PLXNA4: variants seen among roughly 807,000 people sequenced by gnomAD.
PLXNA4 encodes the protein plexin A4.
In PLXNA4, 44 loss-of-function variants were observed where a neutral mutation model predicts 191.8. That is an observed-to-expected ratio of 0.23 (90% CI 0.18 to 0.29). The LOEUF is 0.29. PLXNA4 is among the 10% of genes least tolerant of loss of function. PLXNA4 has a pLI of 1.00. For synonymous variants in PLXNA4, 1,082 were observed against 1,009.5 expected (o/e 1.07, Z -1.36); for missense variants, 1,800 against 2,488.8 (o/e 0.72, Z 5.89).
At chr7:132,322,702 C>T (rs1172689624) in intron 3 of PLXNA4, among the ~76,000 whole-genome samples, 1 of 152,202 alleles carries the variant, frequency 6.6e-6, no homozygotes, top group Non-Finnish European at 1.5e-5. Flanking sequence ...TGGAGACACT[C>T]ATCTCCTCTT....
intron 16 of PLXNA4, 46 bp from the exon 17 acceptor site, chr7:132,182,236 A>G (rs2116747170): frequency 6.2e-7 from 1 of 1,607,756 alleles, no homozygotes; most frequent in East Asian, 2.2e-5. Flanking sequence ...AAGTTCAGGA[A>G]GAGCAATGGC....
chr7:132,576,292 C>A lies in PLXNA4; in HGVS notation c.-87+130G>T. The A allele has an allele frequency of 3.2e-6, 2 of 625,782 alleles. No homozygotes were observed. Among genetic ancestry groups the A allele is most frequent in the Non-Finnish European group, 4.0e-6 (2 of 505,036 alleles). The allele number at this position is 625,782 out of a possible 1,614,324, so 38.8% of individuals were successfully genotyped here. A position where few individuals can be genotyped will look rare whatever the true frequency, so the allele number is the denominator to read the frequency against. ...CGGTGTGGATCTGTGTGTGTGCCTGCGTGTGTGCGTGTGCGTGTGCCGCGG... is the reference window on the plus strand; with the variant it reads ...CGGTGTGGATCTGTGTGTGTGCCTGAGTGTGTGCGTGTGCGTGTGCCGCGG... On this transcript the variant is annotated intron_variant, in intron 1 of 31. Transcript: ENST00000321063. The surrounding 1 kb of genome is among the most constrained non-coding windows in gnomAD (Gnocchi z 5.8).
intron 5 of PLXNA4, among the ~76,000 whole-genome samples, chr7:132,233,755 T>C (rs1454862065): frequency 6.6e-6 from 1 of 152,232 alleles, no homozygotes; most frequent in East Asian, 1.9e-4. Context: ...CATAATCAGC[T>C]CAGATGCTGG....
At chr7:132,247,073 C>T (rs949058472) in intron 4 of PLXNA4, among the ~76,000 whole-genome samples, 1 of 152,140 alleles carries the variant, frequency 6.6e-6, no homozygotes, top group Admixed American at 6.5e-5. Context: ...CCCCATTGCC[C>T]AACTCCCACC....
intron 1 of PLXNA4, among the ~76,000 whole-genome samples, chr7:132,556,669 A>C (rs542082617): frequency 1.3e-5 from 2 of 152,248 alleles, no homozygotes; most frequent in Non-Finnish European, 2.9e-5. Context: ...ATCAATGGTT[A>C]TTTGTCAAAC....
Position 132,181,632 on chromosome 7 carries a change from GC to G in PLXNA4, c.3253-13del, listed in dbSNP as rs1562903981. 1 of 1,613,514 alleles carries G rather than the reference GC, an allele frequency of 6.2e-7. No individual in the cohort carries two copies. Among genetic ancestry groups the G allele is most frequent in the South Asian group, 1.1e-5 (1 of 91,046 alleles). ...AGAACCTCACAGATCTGTGGGAGGA[GC>G]CACAGAGTGGAGTCTATGCAGTATC... is the stretch of plus-strand genomic sequence containing the variant. On this transcript the variant is annotated splice_polypyrimidine_tract_variant and intron_variant, in intron 17 of 31. Transcript: ENST00000321063.
intron 9 of PLXNA4, among the ~76,000 whole-genome samples, chr7:132,215,146 GA>G: frequency 6.6e-6 from 1 of 152,220 alleles, no homozygotes; most frequent in Admixed American, 6.5e-5. Flanking sequence ...CACATCTTAG[GA>G]TAACTCTGCC....
intron 3 of PLXNA4, among the ~76,000 whole-genome samples, chr7:132,445,892 G>A (rs965433289): frequency 1.3e-5 from 2 of 152,160 alleles, no homozygotes; most frequent in Non-Finnish European, 2.9e-5. Context: ...CACGTGATAA[G>A]GTGGGAAAAT....
At chr7:132,630,486 A>G (rs1422762205) in intron 2 of PLXNA4, among the ~76,000 whole-genome samples, 3 of 151,756 alleles carry the variant, frequency 2.0e-5, no homozygotes, top group Admixed American at 6.6e-5. Context: ...TTTTGTAAAC[A>G]TTGTTTGTCC....
intron 2 of PLXNA4, among the ~76,000 whole-genome samples, chr7:132,589,591 T>C (rs1802568603): frequency 6.6e-6 from 1 of 152,186 alleles, no homozygotes; most frequent in African/African-American, 2.4e-5. Flanking sequence ...ACCTCATATC[T>C]ATTCATTCTT....
At chr7:132,181,337 G>A in intron 18 of PLXNA4, 44 bp downstream of exon 18, 1 of 1,610,642 alleles carries the variant, frequency 6.2e-7, no homozygotes, top group South Asian at 1.1e-5. Context: ...CCATGCAGCA[G>A]CCCCTTCTTT....
chr7:132,253,057 A>G (rs764457487), intron 4 of PLXNA4, among the ~76,000 whole-genome samples: 17 of 152,202 alleles, frequency 1.1e-4, no homozygotes, highest in Non-Finnish European at 1.5e-4. Flanking sequence ...AGAGAGTTAC[A>G]TATTTGCTAA....
intron 1 of PLXNA4, among the ~76,000 whole-genome samples, chr7:132,562,985 T>TCCCTC (rs1563175152): frequency 1.3e-4 from 1 of 7,594 alleles, no homozygotes; most frequent in Non-Finnish European, 2.7e-4. Context: ...TCCTCCTCCT[T>TCCCTC]CTCCTCCTCC....
chr7:132,399,110 A>G (rs1274990877), intron 3 of PLXNA4, among the ~76,000 whole-genome samples: 2 of 152,216 alleles, frequency 1.3e-5, no homozygotes, highest in African/African-American at 4.8e-5. Flanking sequence ...GGTCCCTGCT[A>G]GAATTTCCCT....
At chr7:132,335,958 G>C (rs1263180301) in intron 3 of PLXNA4, among the ~76,000 whole-genome samples, 1 of 152,224 alleles carries the variant, frequency 6.6e-6, no homozygotes, top group Non-Finnish European at 1.5e-5. Flanking sequence ...CTGGGCTACT[G>C]TCTGCTGAGA....
intron 3 of PLXNA4, among the ~76,000 whole-genome samples, chr7:132,302,907 G>T (rs1277732428): frequency 6.6e-6 from 1 of 152,036 alleles, no homozygotes; most frequent in Non-Finnish European, 1.5e-5. Context: ...ACAGATTCTT[G>T]CTCTTGTTGC....
intron 30 of PLXNA4, among the ~76,000 whole-genome samples, chr7:132,135,580 A>G (rs2116516879): frequency 6.6e-6 from 1 of 152,358 alleles, no homozygotes; most frequent in South Asian, 2.1e-4. Flanking sequence ...ACAGAAGCCC[A>G]GCATTCTGCC....
intron 3 of PLXNA4, among the ~76,000 whole-genome samples, chr7:132,322,227 G>C (rs1030246771): frequency 7.7e-5 from 11 of 142,630 alleles, no homozygotes; most frequent in African/African-American, 2.9e-4. Flanking sequence ...CTGTCACTCA[G>C]GCTGGAGTGC....
At chr7:132,584,902 T>C (rs1467373765) in intron 2 of PLXNA4, among the ~76,000 whole-genome samples, 1 of 152,182 alleles carries the variant, frequency 6.6e-6, no homozygotes, top group Non-Finnish European at 1.5e-5. Flanking sequence ...TCACTCTCTC[T>C]TCTCAAATCC....
Sources: gnomAD v4.1 joint callset for allele counts (sites outside exome capture counted in the v4.1 genomes callset) on GRCh38, gnomAD v4.1.1 for gene constraint, Gnocchi (gnomAD v3.1) non-coding constraint, MANE v1.5 for transcripts, NCBI Gene and HGNC (gene_info 2026-07-23, HGNC 2026-07-21) for gene names.